CLUAP1: variants seen among roughly 807,000 people sequenced by gnomAD.
The protein encoded by CLUAP1 is intraflagellar transport 38.
Under a neutral mutation model 55.0 loss-of-function variants are expected in CLUAP1, and 50 were observed. The ratio of observed to expected loss-of-function variants is 0.91; its 90% CI spans 0.72 to 1.15. The LOEUF (loss-of-function observed/expected upper bound fraction) is 1.15, where lower values mean the gene tolerates loss of function less well. Ranked by LOEUF, CLUAP1 falls within the 50% of genes most tolerant of loss-of-function variation. The pLI is 0.00. For missense variants in CLUAP1, 530 were observed against 507.6 expected, an observed-to-expected ratio of 1.04 and a Z score of -0.42; for synonymous variants, 195 against 175.4, an observed-to-expected ratio of 1.11 and a Z score of -0.88.
chr16:3,509,248 G>C (rs1161649731), intron 4 of CLUAP1, among the ~76,000 whole-genome samples: 1 of 152,110 alleles, frequency 6.6e-6, no homozygotes, highest in Non-Finnish European at 1.5e-5. Context: ...GACCTTGTCT[G>C]GGGGGAAGAA....
chr16:3,529,615 A>ATTATTAT (rs1567439743), intron 9 of CLUAP1, among the ~76,000 whole-genome samples: 6 of 26,056 alleles, frequency 2.3e-4, no homozygotes, highest in African/African-American at 9.3e-4. Context: ...TATATTATAT[A>ATTATTAT]ATATTATATA....
rs1463624290 is a variant in CLUAP1 at position 3,515,506 on chromosome 16, AG to A, written c.496del. Reference sequence around the variant, plus strand: ...TACGTAAATGATTTTACTGTTTCCTAGGAAATGAGAACAGAAGCCATTGCCA... The same window carrying A: ...TACGTAAATGATTTTACTGTTTCCTAGAAATGAGAACAGAAGCCATTGCCA... On this transcript the variant is annotated splice_acceptor_variant, in intron 5 of 11. Coordinates refer to ENST00000576634, the MANE Select transcript of CLUAP1 (RefSeq NM_015041.3). LOFTEE classifies it high-confidence loss of function. 2 of 1,579,662 alleles carry A rather than the reference AG, an allele frequency of 1.3e-6. No homozygotes were observed. The highest frequency in any genetic ancestry group is 1.7e-6 in the Non-Finnish European group (2 of 1,165,202).
chr16:3,529,450 ATT>A (rs1567439228), intron 9 of CLUAP1, among the ~76,000 whole-genome samples: 25 of 50,060 alleles, frequency 5.0e-4, no homozygotes, highest in Non-Finnish European at 8.2e-4. Context: ...TATATTATAT[ATT>A]ATTATATATA....
In CLUAP1 at chr16:3,504,930, A is replaced by G. The variant is rs191428765; in HGVS notation, c.134+99A>G. 231 of 787,884 alleles carry G rather than the reference A, an allele frequency of 2.9e-4. 2 individuals are homozygous for G. In the East Asian group the frequency reaches 4.5e-3, roughly 15 times the overall value. The allele number at this position is 787,884 out of a possible 1,614,324, so 48.8% of individuals were successfully genotyped here. Reference sequence around the variant, plus strand: ...ACAGCTGTGATGCTGCAAAAGGGAAAGTTTTTGGAATTTGACAGACCCAGC... The same window carrying G: ...ACAGCTGTGATGCTGCAAAAGGGAAGGTTTTTGGAATTTGACAGACCCAGC... On this transcript the variant is annotated intron_variant, in intron 2 of 11. Coordinates refer to ENST00000576634, the MANE Select transcript of CLUAP1 (RefSeq NM_015041.3).
chr16:3,514,943 G>A (rs142456783), intron 5 of CLUAP1, among the ~76,000 whole-genome samples: 1 of 152,286 alleles, frequency 6.6e-6, no homozygotes, highest in Non-Finnish European at 1.5e-5. Context: ...TAGGTTAATG[G>A]TTCATGCTAG....
upstream of CLUAP1, chr16:3,496,201 A>G: frequency 1.8e-6 from 1 of 561,768 alleles, no homozygotes; most frequent in Non-Finnish European, 3.4e-6. Flanking sequence ...AAGCGCCATC[A>G]TGGGAGCTGA....
chr16:3,535,958 A>G (rs2038222931), intron 11 of CLUAP1, 164 bp from the exon 12 acceptor site: 1 of 700,036 alleles, frequency 1.4e-6, no homozygotes, highest in African/African-American at 1.8e-5. Flanking sequence ...GGCAGTACAT[A>G]GCCTCAGTCC....
At chr16:3,512,716 T>C (rs1008134596) in intron 5 of CLUAP1, among the ~76,000 whole-genome samples, 5 of 152,204 alleles carry the variant, frequency 3.3e-5, no homozygotes, top group African/African-American at 1.2e-4. Context: ...AGTCTCGCTG[T>C]GTTGCCCAGG....
Position 3,508,310 on chromosome 16 carries a change from C to T in CLUAP1, c.241C>T (p.Leu81Phe). 1.9e-6 allele frequency: 3 copies of T among 1,599,054 alleles called. No homozygotes were observed. The highest frequency in any genetic ancestry group is 2.6e-6 in the Non-Finnish European group (3 of 1,175,816). Reference sequence around the variant, plus strand: ...ATAGGCCACCAAGGCACATATAAAACTCAACACTAAGAAGCTTTATCAAGC... The same window carrying T: ...ATAGGCCACCAAGGCACATATAAAATTCAACACTAAGAAGCTTTATCAAGC... The part of the protein sequence containing the change: ...QFMATKAHIK[L>F]NTKKLYQADG... The change falls in exon 4 of 12, where the codon CTC becomes TTC. Residue 81 changes from leucine (L) to phenylalanine (F), a missense_variant. By Grantham distance (22) the Leu-to-Phe change is conservative (BLOSUM62 0). Transcript: ENST00000576634.
At chr16:3,502,460 AGG>A (rs1354558430) in intron 1 of CLUAP1, among the ~76,000 whole-genome samples, 10 of 150,428 alleles carry the variant, frequency 6.6e-5, no homozygotes, top group Non-Finnish European at 1.3e-4. Flanking sequence ...AAAAAAAAAA[AGG>A]AAAGGTAGAT....
At chr16:3,512,925 C>T (rs2037659285) in intron 5 of CLUAP1, among the ~76,000 whole-genome samples, 1 of 152,194 alleles carries the variant, frequency 6.6e-6, no homozygotes, top group African/African-American at 2.4e-5. Context: ...CGTGATCTGC[C>T]TGCCTTGGCC....
rs767980040 is a variant in CLUAP1, at chr16:3,512,433, A to G, written c.450A>G (p.Lys150=). The part of the protein sequence containing the change: ...ARQLASEITS[K]GASLYDLLGM... Reference sequence around the variant, plus strand: ...AGCTTGCGTCTGAAATCACCTCCAAAGGAGCATCTCTGTATGACTTGCTCG... The same window carrying G: ...AGCTTGCGTCTGAAATCACCTCCAAGGGAGCATCTCTGTATGACTTGCTCG... Residue 150 remains lysine, a synonymous_variant, in exon 5 of 12, where the codon AAA becomes AAG. Coordinates refer to ENST00000576634, the MANE Select transcript of CLUAP1 (RefSeq NM_015041.3). 3 of 1,614,118 alleles carry G rather than the reference A, an allele frequency of 1.9e-6. No individual in the cohort carries two copies. The highest frequency in any genetic ancestry group is 3.3e-5 in the Admixed American group (2 of 60,020).
intron 8 of CLUAP1, among the ~76,000 whole-genome samples, chr16:3,524,046 C>G (rs2037891197): frequency 6.6e-6 from 1 of 152,152 alleles, no homozygotes; most frequent in Admixed American, 6.5e-5. Flanking sequence ...TACTTGTAAT[C>G]CCAGCACTTT....
At position 3,537,672 on chromosome 16, in the gene CLUAP1, AAAAAAG is replaced by A. The variant is rs1405548008; in HGVS notation, c.*1412_*1417del. 1 of 151,760 alleles carries A rather than the reference AAAAAAG, an allele frequency of 6.6e-6. No individual in the cohort carries two copies. Among genetic ancestry groups the A allele is most frequent in the African/African-American group, 2.4e-5 (1 of 41,214 alleles). 9.4% of individuals were successfully genotyped at this position (151,760 alleles called of 1,614,324 possible). A position where few individuals can be genotyped will look rare whatever the true frequency, so the allele number is the denominator to read the frequency against. The stretch of plus-strand genomic sequence containing the variant: ...TGACAGAGTGAGACCCTGTCTTTAA[AAAAAAG>A]AAAAAGAAAAGCACGCTGCTTGTAA... On this transcript the variant is annotated 3_prime_UTR_variant, in exon 12 of 12. Transcript: ENST00000576634.
intron 8 of CLUAP1, among the ~76,000 whole-genome samples, chr16:3,525,557 C>T (rs2037925898): frequency 6.6e-6 from 1 of 151,926 alleles, no homozygotes. Flanking sequence ...CACTCTCTCT[C>T]TTTGTCTCTT....
intron 5 of CLUAP1, among the ~76,000 whole-genome samples, chr16:3,513,242 G>C (rs56820209): frequency 0.017 from 2,603 of 152,270 alleles, 83 homozygotes; most frequent in African/African-American, 0.056. Context: ...CCTGGGCATT[G>C]GGAGTTTTCA....
upstream of CLUAP1, chr16:3,496,879 T>C (rs2037319537): frequency 3.3e-6 from 1 of 300,946 alleles, no homozygotes; most frequent in East Asian, 8.9e-5. Flanking sequence ...TTTTCTTTTT[T>C]TTTTTTTTTA....
At chr16:3,498,896 CA>C (rs35800706), upstream of CLUAP1, among the ~76,000 whole-genome samples, 25,745 of 151,062 alleles carry the variant, frequency 0.17, 2,947 homozygotes, top group Non-Finnish European at 0.25. Context: ...ACAACAACAA[CA>C]AAAAAAAGTG....
At chr16:3,500,829 C>T (rs2037378723), upstream of CLUAP1, 7 of 567,806 alleles carry the variant, frequency 1.2e-5, no homozygotes, top group East Asian at 2.1e-4. Flanking sequence ...AAGCTTGCAG[C>T]CCTCATAGAC....
Sources: gnomAD v4.1 joint callset for allele counts (sites outside exome capture counted in the v4.1 genomes callset) on GRCh38, gnomAD v4.1.1 for gene constraint, MANE v1.5 for transcripts, NCBI Gene and HGNC (gene_info 2026-07-23, HGNC 2026-07-21) for gene names.